Variants in VPS39 observed in about 807,000 individuals in gnomAD.
VPS39 encodes the protein VPS39 subunit of HOPS complex, also known as vam6/Vps39-like protein.
Under a neutral mutation model 121.0 loss-of-function variants are expected in VPS39, and 70 were observed. That is an observed-to-expected ratio of 0.58 (90% CI 0.48 to 0.71). The LOEUF (loss-of-function observed/expected upper bound fraction) is 0.71, where lower values mean the gene tolerates loss of function less well. Ranked by LOEUF, VPS39 falls within the 30% of genes least tolerant of loss-of-function variation. The pLI, the probability that VPS39 is intolerant of heterozygous loss-of-function variation, is 0.00. For missense variants in VPS39, 818 were observed against 1,051.5 expected (o/e 0.78, Z 3.07); for synonymous variants, 378 against 398.1 (o/e 0.95, Z 0.60).
At chr15:42,188,609 C>T (rs1416221313) in intron 5 of VPS39, among the ~76,000 whole-genome samples, 1 of 152,182 alleles carries the variant, frequency 6.6e-6, no homozygotes. Context: ...TTAACCCACG[C>T]ACAGGGAATG....
At chr15:42,192,216 T>C (rs900659487) in intron 2 of VPS39, 4 of 958,690 alleles carry the variant, frequency 4.2e-6, no homozygotes, top group Non-Finnish European at 6.4e-6. Context: ...AGAGAATAAT[T>C]ATCATCATCA....
At chr15:42,186,594 T>C (rs1000308133) in intron 7 of VPS39, among the ~76,000 whole-genome samples, 19 of 152,246 alleles carry the variant, frequency 1.2e-4, no homozygotes, top group African/African-American at 4.6e-4. Flanking sequence ...CTACATATAG[T>C]ATGCATATTG....
Position 42,166,599 on chromosome 15 carries a change from CT to C in VPS39, c.1569del (p.Gly524AlafsTer19). ...DQSKKANSPLKGHERTVQYLQ... is the reference protein window; with the variant it reads ...DQSKKANSPLXGHERTVQYLQ... ...AGATACTGCACTGTCCTCTCGTGGC[CT>C]TTCAGAGGGGAGTTGGCTTTCTTGG... On this transcript the variant is annotated frameshift_variant, in exon 15 of 25. Transcript: ENST00000318006. LOFTEE classifies it high-confidence loss of function. 1 of 1,614,230 alleles carries C rather than the reference CT, an allele frequency of 6.2e-7. No homozygotes were observed. Among genetic ancestry groups the C allele is most frequent in the Non-Finnish European group, 8.5e-7 (1 of 1,180,036 alleles).
intron 2 of VPS39, 56 bp downstream of exon 2, chr15:42,199,839 GT>G: frequency 6.6e-7 from 1 of 1,522,790 alleles, no homozygotes; most frequent in Non-Finnish European, 8.8e-7. Flanking sequence ...TGATTTCACA[GT>G]TGTATACTAG....
intron 23 of VPS39, 111 bp downstream of exon 23, chr15:42,161,921 C>A (rs1020104371): frequency 6.3e-7 from 1 of 1,591,260 alleles, no homozygotes; most frequent in African/African-American, 1.3e-5. Flanking sequence ...GCTACTGGAT[C>A]AGCTTGAGCT....
Position 42,208,106 on chromosome 15 carries a change from C to G in VPS39, c.48G>C (p.Leu16=). The G allele has an allele frequency of 6.3e-7, 1 of 1,590,232 alleles. No homozygotes were observed. The highest frequency in any genetic ancestry group is 8.6e-7 in the Non-Finnish European group (1 of 1,167,840). ...CCCAGGCAGCCAGACAGTCGATTTG[C>G]AGAGGCAGCTTTTCTAGGATCGGCA... is the stretch of plus-strand genomic sequence containing the variant. ...EPVPILEKLP[L]QIDCLAAWEE... is the part of the protein sequence containing the mutation. The change falls in exon 1 of 25, where the codon CTG becomes CTC. Residue 16 remains leucine, a synonymous_variant. Transcript: ENST00000318006.
Position 42,162,449 on chromosome 15 carries a change from C to A in VPS39, c.2208G>T (p.Ser736=). 4.3e-6 allele frequency: 7 copies of A among 1,611,072 alleles called. No individual in the cohort carries two copies. The highest frequency in any genetic ancestry group is 5.1e-6 in the Non-Finnish European group (6 of 1,178,202). ...VYLSLLRMYL[S]PPSIHCLGPI... ...GCCCCAGGCAGTGAATGCTGGGGGG[C>A]GACAGGTACATCCGAAGCAGGGACA... Residue 736 remains serine (S), a synonymous_variant, in exon 22 of 25, where the codon TCG becomes TCT. Coordinates refer to ENST00000318006, the MANE Select transcript of VPS39 (RefSeq NM_015289.5).
chr15:42,192,962 T>C (rs1254843883), intron 2 of VPS39, among the ~76,000 whole-genome samples: 2 of 152,094 alleles, frequency 1.3e-5, no homozygotes, highest in South Asian at 2.1e-4. Context: ...GTATTTTTAG[T>C]AGAGACAGGG....
chr15:42,191,963 C>A, intron 2 of VPS39: 1 of 1,385,238 alleles, frequency 7.2e-7, no homozygotes, highest in Non-Finnish European at 9.9e-7. Context: ...TCTAGACCAA[C>A]TAATTTCCAG....
At chr15:42,165,193 G>T in intron 17 of VPS39, 80 bp from the exon 18 acceptor site, 2 of 1,344,946 alleles carry the variant, frequency 1.5e-6, no homozygotes, top group Non-Finnish European at 2.1e-6. Context: ...CATTTTTAAG[G>T]CCCAACAGGT....
Position 42,166,802 on chromosome 15 carries a change from G to GT in VPS39, c.1488_1489insA (p.Leu497ThrfsTer3). 3 of 1,614,240 alleles carry GT rather than the reference G, an allele frequency of 1.9e-6. No individual in the cohort carries two copies. The highest frequency in any genetic ancestry group is 2.5e-6 in the Non-Finnish European group (3 of 1,180,048). ...TCGTGGAGCCCCTTCTTCTCATACA[G>GT]GATGATAAGCTCACTGTACTTGTGA... On this transcript the variant is annotated frameshift_variant, in exon 14 of 25. Transcript: ENST00000318006. LOFTEE classifies it high-confidence loss of function.
At chr15:42,167,603 G>T in intron 12 of VPS39, 66 bp from the exon 13 acceptor site, 1 of 1,579,564 alleles carries the variant, frequency 6.3e-7, no homozygotes, top group Non-Finnish European at 8.6e-7. Flanking sequence ...GAGCTACTGG[G>T]TAATTCTGAA....
In VPS39 at chr15:42,184,257, T is replaced by C. The variant is rs1595666704; in HGVS notation, c.718+260A>G. ...AAGAAAAAAACTAAGAAGTAAAAGA[T>C]AGCAGTAGATAATCACTTCCTAAAA... On this transcript the variant is annotated intron_variant, in intron 8 of 24. Transcript: ENST00000318006. 9 of 291,494 alleles carry C rather than the reference T, an allele frequency of 3.1e-5. No individual in the cohort carries two copies. The East Asian group carries it at 4.8e-4, about 16-fold the overall frequency. 18.1% of individuals were successfully genotyped at this position (291,494 alleles called of 1,614,324 possible). A position where few individuals can be genotyped will look rare whatever the true frequency, so the allele number is the denominator to read the frequency against.
At chr15:42,175,409 G>GA (rs772876964) in intron 10 of VPS39, among the ~76,000 whole-genome samples, 1,957 of 119,620 alleles carry the variant, frequency 0.016, 35 homozygotes, top group African/African-American at 0.048. Context: ...TCTGTCTCGG[G>GA]AAAAAAAAAA....
chr15:42,165,252 G>A, intron 17 of VPS39, 139 bp from the exon 18 acceptor site: 2 of 763,440 alleles, frequency 2.6e-6, no homozygotes, highest in Non-Finnish European at 4.3e-6. Flanking sequence ...CTAAGAGACA[G>A]CTCGTCTAAA....
chr15:42,184,698 C>T lies in VPS39; in HGVS notation c.537G>A (p.Val179=), dbSNP rs1334630586. The part of the protein sequence containing the change: ...GFKRDYYLIR[V]DGKGSIKELF... The stretch of plus-strand genomic sequence containing the variant: ...GCTCTTTGATGGACCCCTTTCCATC[C>T]ACCTATAGGAAGAAACAGAGTGAGT... The change falls in exon 8 of 25, where the codon GTG becomes GTA. Residue 179 remains valine, a splice_region_variant and synonymous_variant. Transcript: ENST00000318006. The T allele has an allele frequency of 6.2e-7, 1 of 1,609,590 alleles. No homozygotes were observed.
chr15:42,170,282 T>C (rs1318573896), intron 11 of VPS39, among the ~76,000 whole-genome samples: 2 of 152,154 alleles, frequency 1.3e-5, no homozygotes, highest in South Asian at 2.1e-4. Flanking sequence ...GTAGTATATA[T>C]GGCAAGAGGC....
intron 8 of VPS39, among the ~76,000 whole-genome samples, chr15:42,182,789 G>A (rs1018171723): frequency 1.3e-5 from 2 of 152,224 alleles, no homozygotes; most frequent in East Asian, 1.9e-4. Flanking sequence ...CACAGACATG[G>A]TTTTGAGAAG....
chr15:42,197,477 C>T (rs1323344502), intron 2 of VPS39, among the ~76,000 whole-genome samples: 2 of 151,846 alleles, frequency 1.3e-5, no homozygotes, highest in South Asian at 2.1e-4. Context: ...GGCTTGAACC[C>T]AGGAGGTTGA....
Sources: allele counts gnomAD v4.1 joint callset (sites outside exome capture counted in the v4.1 genomes callset), GRCh38; gene constraint gnomAD v4.1.1; transcripts MANE v1.5; gene names NCBI Gene and HGNC (gene_info 2026-07-23, HGNC 2026-07-21).